NDUFS7: variants seen among roughly 807,000 people sequenced by gnomAD.
NDUFS7 encodes NADH:ubiquinone oxidoreductase core subunit S7.
In NDUFS7, 11 loss-of-function variants were observed where a neutral mutation model predicts 31.1. The observed-to-expected ratio is 0.35, with a 90% CI of 0.22 to 0.59. NDUFS7 has a LOEUF of 0.59. NDUFS7 is among the 20% of genes least tolerant of loss of function. The pLI, the probability that NDUFS7 is intolerant of heterozygous loss-of-function variation, is 0.79. For synonymous variants in NDUFS7, 136 were observed against 127.9 expected (o/e 1.06, Z -0.43); for missense variants, 263 against 324.2 (o/e 0.81, Z 1.45).
chr19:1,389,063 G>T, intron 4 of NDUFS7, 125 bp downstream of exon 4: 1 of 838,770 alleles, frequency 1.2e-6, no homozygotes, highest in Non-Finnish European at 2.0e-6. Context: ...ACACTCACAT[G>T]CGCACATGTG....
chr19:1,389,865 A>T, intron 4 of NDUFS7: 1 of 273,650 alleles, frequency 3.7e-6, no homozygotes, highest in Non-Finnish European at 7.2e-6. Context: ...AGACAAGGAT[A>T]GTTTTTAATG....
chr19:1,393,293 C>G lies in NDUFS7; in HGVS notation c.507C>G (p.Gly169=). ...ACTATTCCTACTCGGTGGTGAGGGG[C>G]TGCGACCGCATCGTGCCCGTGGACA... ...YYHYSYSVVR[G]CDRIVPVDIY... The change falls in exon 7 of 8, where the codon GGC becomes GGG. Residue 169 remains glycine (G), a synonymous_variant. Coordinates refer to ENST00000233627, the MANE Select transcript of NDUFS7 (RefSeq NM_024407.5). The surrounding 1 kb of genome is among the most constrained non-coding windows in gnomAD (Gnocchi z 7.3). 1 of 1,589,370 alleles carries G rather than the reference C, an allele frequency of 6.3e-7. No homozygotes were observed. Among genetic ancestry groups the G allele is most frequent in the Non-Finnish European group, 8.6e-7 (1 of 1,168,992 alleles).
chr19:1,385,361 A>C (rs1376656554), intron 1 of NDUFS7, among the ~76,000 whole-genome samples: 1 of 149,218 alleles, frequency 6.7e-6, no homozygotes, highest in Non-Finnish European at 1.5e-5. Flanking sequence ...CTAAAAATAC[A>C]AAATCAGCTG....
Position 1,387,867 on chromosome 19 carries a change from G to T in NDUFS7, c.53+20G>T. The T allele has an allele frequency of 1.9e-6, 3 of 1,550,552 alleles. No homozygotes were observed. Among genetic ancestry groups the T allele is most frequent in the Non-Finnish European group, 2.6e-6 (3 of 1,146,402 alleles). On this transcript the variant is annotated intron_variant, in intron 2 of 7. Transcript: ENST00000233627. ...TCTGCGGTGAGTGCCTGAGTCTCCA[G>T]CCCTCAGCTGGGAGGGGCCTTCAGC...
At chr19:1,389,266 T>C (rs779886059) in intron 4 of NDUFS7, 16 of 614,986 alleles carry the variant, frequency 2.6e-5, no homozygotes, top group East Asian at 6.6e-5. Flanking sequence ...CATATACACA[T>C]GCACACGCAC....
At chr19:1,388,778 T>C (rs770275334) in intron 3 of NDUFS7, 55 bp from the exon 4 acceptor site, 7 of 1,536,418 alleles carry the variant, frequency 4.6e-6, no homozygotes, top group Non-Finnish European at 5.3e-6. Context: ...CGCATCCGCC[T>C]CTGGGAAGCA....
In NDUFS7 at chr19:1,392,391, C is replaced by T. The variant is rs571001101; in HGVS notation, c.456-851C>T. The T allele has an allele frequency of 8.3e-4, 127 of 152,208 alleles. 1 individual carries two copies. Among genetic ancestry groups the T allele is most frequent in the Non-Finnish European group, 1.7e-3 (115 of 68,080 alleles). 9.4% of individuals were successfully genotyped at this position (152,208 alleles called of 1,614,324 possible). On this transcript the variant is annotated intron_variant, in intron 6 of 7. Coordinates refer to ENST00000233627, the MANE Select transcript of NDUFS7 (RefSeq NM_024407.5). The stretch of plus-strand genomic sequence containing the variant: ...GCGAGCAGTTCAGTGGTTTTTAGGC[C>T]ACCACCTCTAATTCCAGAACATTCT...
At chr19:1,394,181 A>G in intron 7 of NDUFS7, 1 of 369,862 alleles carries the variant, frequency 2.7e-6, no homozygotes. Context: ...GTGGAGGAAC[A>G]GGCTCTGACT....
At chr19:1,395,366 C>T (rs764906428) in intron 7 of NDUFS7, 25 bp from the exon 8 acceptor site, 50 of 1,591,344 alleles carry the variant, frequency 3.1e-5, no homozygotes, top group South Asian at 4.6e-5. Flanking sequence ...CTGCGGGAAG[C>T]GAGACTGAGG....
intron 7 of NDUFS7, chr19:1,394,600 G>A: frequency 8.7e-7 from 1 of 1,149,546 alleles, no homozygotes; most frequent in Non-Finnish European, 1.1e-6. Context: ...GCCCTCCCTG[G>A]GGACCGCGCC....
chr19:1,388,474 G>C (rs2082524564), intron 2 of NDUFS7, 51 bp from the exon 3 acceptor site: 1 of 1,541,918 alleles, frequency 6.5e-7, no homozygotes, highest in Non-Finnish European at 8.9e-7. Context: ...GCGGCTGGGG[G>C]AGCTGGAGGG....
intron 4 of NDUFS7, chr19:1,389,345 G>A (rs1332116151): frequency 3.5e-5 from 17 of 481,208 alleles, no homozygotes; most frequent in African/African-American, 5.9e-5. Context: ...ATGCACACAC[G>A]TCCTTGTGTG....
intron 7 of NDUFS7, 86 bp from the exon 8 acceptor site, chr19:1,395,305 C>A: frequency 6.6e-7 from 1 of 1,518,720 alleles, no homozygotes; most frequent in South Asian, 1.2e-5. Context: ...CCCGGGAAAC[C>A]CTTCCAAAGC....
chr19:1,388,731 A>C (rs771691675), intron 3 of NDUFS7, 102 bp from the exon 4 acceptor site: 17 of 1,438,706 alleles, frequency 1.2e-5, no homozygotes, highest in Non-Finnish European at 1.6e-5. Context: ...CCCTGACCTC[A>C]TGTGGGTCCA....
chr19:1,389,475 G>A (rs1568990836), intron 4 of NDUFS7: 1 of 457,642 alleles, frequency 2.2e-6, no homozygotes, highest in Non-Finnish European at 4.4e-6. Flanking sequence ...TGGCCTGGTG[G>A]CCTGTGGTTC....
chr19:1,388,812 G>A, intron 3 of NDUFS7, 21 bp from the exon 4 acceptor site: 1 of 1,574,606 alleles, frequency 6.4e-7, no homozygotes, highest in Non-Finnish European at 8.6e-7. Context: ...CGCCTCCTGT[G>A]CCCGTGTGTC....
At chr19:1,389,827 G>C in intron 4 of NDUFS7, 1 of 318,690 alleles carries the variant, frequency 3.1e-6, no homozygotes, top group Non-Finnish European at 6.1e-6. Context: ...ATGCCACGGC[G>C]AACGTCCTGC....
At position 1,388,900 on chromosome 19, in the gene NDUFS7, G is replaced by A; in HGVS notation, c.190G>A (p.Val64Met). 1 of 1,610,376 alleles carries A rather than the reference G, an allele frequency of 6.2e-7. No individual in the cohort carries two copies. The highest frequency in any genetic ancestry group is 8.5e-7 in the Non-Finnish European group (1 of 1,178,734). Reference sequence around the variant, plus strand: ...ACCCAGCAGCCGGGGCGAGTATGTGGTGGCCAAGCTGGATGACCTCGTCAA... The same window carrying A: ...ACCCAGCAGCCGGGGCGAGTATGTGATGGCCAAGCTGGATGACCTCGTCAA... ...PKPSSRGEYV[V>M]AKLDDLVNWA... Residue 64 changes from valine (V) to methionine (M), a missense_variant, in exon 4 of 8, where the codon GTG becomes ATG. Coordinates refer to ENST00000233627, the MANE Select transcript of NDUFS7 (RefSeq NM_024407.5).
At chr19:1,390,757 G>C in intron 4 of NDUFS7, 114 bp from the exon 5 acceptor site, 1 of 1,273,040 alleles carries the variant, frequency 7.9e-7, no homozygotes, top group South Asian at 1.3e-5. Context: ...TCTCACCTCT[G>C]CCGGCTGCCG....
Sources: allele counts gnomAD v4.1 joint callset (sites outside exome capture counted in the v4.1 genomes callset), GRCh38; gene constraint gnomAD v4.1.1; non-coding constraint Gnocchi (gnomAD v3.1); transcripts MANE v1.5; gene names NCBI Gene and HGNC (gene_info 2026-07-23, HGNC 2026-07-21).